The following KLHL32 variants were observed in gnomAD, a reference collection of about 807,000 sequenced individuals.
KLHL32 encodes the protein kelch like family member 32, also known as kelch-like protein 32.
Under a neutral mutation model 64.8 loss-of-function variants are expected in KLHL32, and 35 were observed. The observed-to-expected ratio is 0.54, with a 90% confidence interval of 0.41 to 0.72. The LOEUF (loss-of-function observed/expected upper bound fraction) is 0.72, where lower values mean the gene tolerates loss of function less well. Among genes scored for constraint, KLHL32 ranks in the 30% least tolerant of loss-of-function variants. KLHL32 has a pLI of 0.00. For synonymous variants in KLHL32, 259 were observed against 281.0 expected (o/e 0.92, Z 0.78); for missense variants, 589 against 768.5 (o/e 0.77, Z 2.76).
At chr6:97,129,011 T>C (rs1332834745) in intron 8 of KLHL32, among the ~76,000 whole-genome samples, 3 of 152,220 alleles carry the variant, frequency 2.0e-5, no homozygotes, top group African/African-American at 7.2e-5. Flanking sequence ...ATTATAGATA[T>C]TAGCAAAATA....
chr6:96,996,467 A>T (rs1778430385), intron 3 of KLHL32, among the ~76,000 whole-genome samples: 1 of 152,214 alleles, frequency 6.6e-6, no homozygotes, highest in African/African-American at 2.4e-5. Context: ...ATAAAAGACT[A>T]TAAATGAGTA....
chr6:97,091,997 T>C lies in KLHL32; in HGVS notation c.627+6656T>C, dbSNP rs560428057. The stretch of plus-strand genomic sequence containing the variant: ...TCTTTCTTTCTTTTTTTTTTTTTTT[T>C]GTTGTTGTTGAGATGGAGTTTCACT... On this transcript the variant is annotated intron_variant, in intron 6 of 10. Coordinates refer to ENST00000369261, the MANE Select transcript of KLHL32 (RefSeq NM_052904.4). Among the ~76,000 whole-genome samples, 797 of 133,612 alleles carry C rather than the reference T, an allele frequency of 6.0e-3. 5 individuals carry two copies. Among genetic ancestry groups the C allele is most frequent in the African/African-American group, 0.021 (773 of 36,374 alleles). The allele number at this position is 133,612 out of a possible 152,430, so 87.7% of individuals were successfully genotyped here. A position where few individuals can be genotyped will look rare whatever the true frequency, so the allele number is the denominator to read the frequency against.
In KLHL32 at chr6:96,976,027, C is replaced by T. The variant is rs752554871; in HGVS notation, c.54C>T (p.Leu18=). The part of the protein sequence containing the change: ...SIQEMLTGQR[L]CHSESHNDSV... ...AAGAAATGCTGACAGGCCAGAGGCT[C>T]TGCCACTCCGAATCTCACAATGACA... The change falls in exon 3 of 11, where the codon CTC becomes CTT. Residue 18 remains leucine, a synonymous_variant. Coordinates refer to ENST00000369261, the MANE Select transcript of KLHL32 (RefSeq NM_052904.4). The T allele has an allele frequency of 1.3e-6, 2 of 1,592,866 alleles. No homozygotes were observed. Among genetic ancestry groups the T allele is most frequent in the South Asian group, 1.1e-5 (1 of 89,560 alleles).
intron 1 of KLHL32, among the ~76,000 whole-genome samples, chr6:96,932,955 C>T (rs150718684): frequency 1.3e-5 from 2 of 152,260 alleles, no homozygotes; most frequent in Non-Finnish European, 2.9e-5. Flanking sequence ...ATTGTCATTA[C>T]ATTTTGTTAA....
chr6:97,113,819 C>G lies in KLHL32; in HGVS notation c.664C>G (p.Gln222Glu). Residue 222 changes from glutamine to glutamate, a missense_variant, in exon 7 of 11, where the codon CAG becomes GAG. By Grantham distance (29) the Gln-to-Glu change is conservative. Transcript: ENST00000369261. ...VRWLEHNCHY[Q>E]YMDELLQYIR... ...GTGGTTGGAACACAACTGCCACTAC[C>G]AGTACATGGACGAGCTCCTGCAATA... 1 of 1,614,048 alleles carries G rather than the reference C, an allele frequency of 6.2e-7. No homozygotes were observed. Among genetic ancestry groups the G allele is most frequent in the Non-Finnish European group, 8.5e-7 (1 of 1,179,938 alleles).
intron 1 of KLHL32, among the ~76,000 whole-genome samples, chr6:96,952,824 T>C (rs528321251): frequency 6.6e-6 from 1 of 152,332 alleles, no homozygotes; most frequent in Non-Finnish European, 1.5e-5. Flanking sequence ...TTGAGATGTT[T>C]TTCAGACCTT....
At chr6:97,046,421 C>T (rs149800253) in intron 4 of KLHL32, among the ~76,000 whole-genome samples, 115 of 151,856 alleles carry the variant, frequency 7.6e-4, no homozygotes, top group Middle Eastern at 3.4e-3. Context: ...CTTTGTTATA[C>T]TTTGTTGAAG....
chr6:97,136,377 C>T (rs1582297680), intron 10 of KLHL32, among the ~76,000 whole-genome samples: 1 of 152,278 alleles, frequency 6.6e-6, no homozygotes, highest in African/African-American at 2.4e-5. Context: ...GACTATTTAT[C>T]CATCAGAAGG....
chr6:96,966,960 G>A, intron 1 of KLHL32, 36 bp from the exon 2 acceptor site: 1 of 1,055,660 alleles, frequency 9.5e-7, no homozygotes, highest in Non-Finnish European at 1.4e-6. Context: ...TCTGCATTTA[G>A]CTCAATGCAC....
chr6:96,956,789 A>G (rs1773330442), intron 1 of KLHL32, among the ~76,000 whole-genome samples: 1 of 152,226 alleles, frequency 6.6e-6, no homozygotes, highest in African/African-American at 2.4e-5. Flanking sequence ...GCACATGTAC[A>G]TACATACGCC....
chr6:96,995,949 A>G lies in KLHL32; in HGVS notation c.204+19772A>G, dbSNP rs556082444. On this transcript the variant is annotated intron_variant, in intron 3 of 10. Transcript: ENST00000369261. ...ACTAAACACTAGTGAAGTCCACCAA[A>G]CTACTGTTGAACACTATTAAGTGAG... Among the ~76,000 whole-genome samples, 7 of 152,336 alleles carry G rather than the reference A, an allele frequency of 4.6e-5. No homozygotes were observed. In the South Asian group the frequency reaches 1.0e-3, roughly 23 times the overall value.
At chr6:97,134,085 A>G (rs1245190892) in intron 10 of KLHL32, among the ~76,000 whole-genome samples, 1 of 152,204 alleles carries the variant, frequency 6.6e-6, no homozygotes, top group African/African-American at 2.4e-5. Context: ...TCATAATGGA[A>G]CTCAAAAAAA....
At chr6:97,046,647 T>A (rs1055453709) in intron 4 of KLHL32, among the ~76,000 whole-genome samples, 10 of 152,190 alleles carry the variant, frequency 6.6e-5, no homozygotes, top group Non-Finnish European at 4.4e-5. Context: ...TTGTAATAAA[T>A]CTATTTTCCC....
intron 5 of KLHL32, among the ~76,000 whole-genome samples, chr6:97,075,489 A>G (rs1791451695): frequency 6.6e-6 from 1 of 152,164 alleles, no homozygotes; most frequent in Non-Finnish European, 1.5e-5. Flanking sequence ...ACTTTATCCT[A>G]TCAACTCTAT....
chr6:97,017,148 A>G (rs1003114207), intron 3 of KLHL32, among the ~76,000 whole-genome samples: 2 of 152,238 alleles, frequency 1.3e-5, no homozygotes, highest in Admixed American at 1.3e-4. Flanking sequence ...GTAAATTAGC[A>G]TGACGTTTTA....
intron 2 of KLHL32, among the ~76,000 whole-genome samples, chr6:96,970,004 A>C (rs1405658958): frequency 6.6e-6 from 1 of 152,216 alleles, no homozygotes; most frequent in African/African-American, 2.4e-5. Flanking sequence ...TAAGCCAGAA[A>C]TATAGGTGTC....
chr6:97,001,678 C>A (rs1779051636), intron 3 of KLHL32, among the ~76,000 whole-genome samples: 1 of 152,114 alleles, frequency 6.6e-6, no homozygotes, highest in African/African-American at 2.4e-5. Context: ...CTATATTGCC[C>A]AATACTGAAC....
At chr6:96,967,280 T>C (rs903376815) in intron 2 of KLHL32, among the ~76,000 whole-genome samples, 197 bp downstream of exon 2, 2 of 152,234 alleles carry the variant, frequency 1.3e-5, no homozygotes, top group African/African-American at 4.8e-5. Context: ...AACCTAAATA[T>C]GTTTCCTGAT....
the KLHL32 span, chr6:96,914,833 C>G: frequency 6.6e-6 from 1 of 152,300 alleles, no homozygotes; most frequent in South Asian, 2.1e-4. Context: ...CCTAGGCAAC[C>G]TGGTGGTTCC....
Sources: allele counts gnomAD v4.1 joint callset (sites outside exome capture counted in the v4.1 genomes callset), GRCh38; gene constraint gnomAD v4.1.1; transcripts MANE v1.5; gene names NCBI Gene and HGNC (gene_info 2026-07-23, HGNC 2026-07-21).